The following KAT2B variants were observed in gnomAD, a reference collection of about 807,000 sequenced individuals.
KAT2B encodes the protein lysine acetyltransferase 2B.
KAT2B carries 36 observed loss-of-function variants against 105.9 expected under a neutral mutation model. The ratio of observed to expected loss-of-function variants is 0.34; its 90% CI spans 0.26 to 0.45. KAT2B has a LOEUF of 0.45. Ranked by LOEUF, KAT2B falls within the 20% of genes least tolerant of loss-of-function variation. KAT2B has a pLI of 1.00. For missense variants in KAT2B, 820 were observed against 1,021.6 expected, an observed-to-expected ratio of 0.80 and a Z score of 2.69; for synonymous variants, 397 against 377.9, an observed-to-expected ratio of 1.05 and a Z score of -0.59.
At chr3:20,105,955 A>G (rs1698994824) in intron 5 of KAT2B, among the ~76,000 whole-genome samples, 1 of 152,212 alleles carries the variant, frequency 6.6e-6, no homozygotes, top group Non-Finnish European at 1.5e-5. Flanking sequence ...TAGACATGTA[A>G]GTCTAGAACA....
At chr3:20,149,960 C>T (rs1388867798) in intron 17 of KAT2B, among the ~76,000 whole-genome samples, 10 of 152,226 alleles carry the variant, frequency 6.6e-5, no homozygotes, top group Non-Finnish European at 1.5e-4. Context: ...GCCCTTTCAG[C>T]CCCTGTGCAC....
intron 2 of KAT2B, among the ~76,000 whole-genome samples, chr3:20,090,414 G>A (rs1291102832): frequency 6.6e-6 from 1 of 152,158 alleles, no homozygotes; most frequent in South Asian, 2.1e-4. Flanking sequence ...TATCATGAAA[G>A]GATGTTGAAT....
intron 9 of KAT2B, among the ~76,000 whole-genome samples, chr3:20,123,374 C>T (rs1325104830): frequency 6.6e-6 from 1 of 152,146 alleles, no homozygotes; most frequent in Non-Finnish European, 1.5e-5. Context: ...ACAATATTTT[C>T]TAATACAGGG....
chr3:20,087,200 A>G (rs920210230), intron 2 of KAT2B, among the ~76,000 whole-genome samples: 5 of 152,252 alleles, frequency 3.3e-5, no homozygotes, highest in Non-Finnish European at 7.3e-5. Flanking sequence ...TAGATGGATG[A>G]TACCGAGTGT....
chr3:20,150,917 A>C (rs1006574413), intron 17 of KAT2B, among the ~76,000 whole-genome samples: 1 of 152,180 alleles, frequency 6.6e-6, no homozygotes, highest in African/African-American at 2.4e-5. Context: ...TTAAAACATT[A>C]TACATATTAT....
At chr3:20,104,550 A>C (rs182234714) in intron 5 of KAT2B, among the ~76,000 whole-genome samples, 1 of 152,194 alleles carries the variant, frequency 6.6e-6, no homozygotes, top group Admixed American at 6.5e-5. Flanking sequence ...AATGGGTAAT[A>C]TTACTGGCTG....
At chr3:20,143,806 T>A (rs537713460) in intron 13 of KAT2B, among the ~76,000 whole-genome samples, 1 of 152,328 alleles carries the variant, frequency 6.6e-6, no homozygotes, top group East Asian at 1.9e-4. Context: ...CTGCATGTTT[T>A]CTGTTATAAG....
Position 20,095,413 on chromosome 3 carries a change from G to A in KAT2B, c.576+5G>A. On this transcript the variant is annotated splice_donor_5th_base_variant and intron_variant, in intron 3 of 17. Transcript: ENST00000263754. ...GTTTATTTCTATCTATTTAAGGTGA[G>A]ATTTTAACATTTTAAAAACATTTTC... The A allele has an allele frequency of 6.4e-7, 1 of 1,563,384 alleles. No homozygotes were observed. Among genetic ancestry groups the A allele is most frequent in the South Asian group, 1.1e-5 (1 of 88,256 alleles).
In KAT2B at chr3:20,040,492, C is replaced by T. The variant is rs1192978849; in HGVS notation, c.15C>T (p.Gly5=). Residue 5 remains glycine, a synonymous_variant, in exon 1 of 18, where the codon GGC becomes GGT. Transcript: ENST00000263754. MSEA[G]GAGPGGCGAG... ...TCCGGGGCGGCATGTCCGAGGCTGGCGGGGCCGGGCCGGGCGGCTGCGGGG... is the reference window on the plus strand; with the variant it reads ...TCCGGGGCGGCATGTCCGAGGCTGGTGGGGCCGGGCCGGGCGGCTGCGGGG... 2 of 1,041,312 alleles carry T rather than the reference C, an allele frequency of 1.9e-6. No individual in the cohort carries two copies. The highest frequency in any genetic ancestry group is 2.3e-6 in the Non-Finnish European group (2 of 868,042). 64.5% of individuals were successfully genotyped at this position (1,041,312 alleles called of 1,614,324 possible).
chr3:20,095,244 TC>T lies in KAT2B; in HGVS notation c.431-18del. The T allele has an allele frequency of 1.9e-6, 3 of 1,603,040 alleles. No individual in the cohort carries two copies. Among genetic ancestry groups the T allele is most frequent in the Non-Finnish European group, 2.6e-6 (3 of 1,174,520 alleles). ...TTCCAATTGAGGTCTTACATATGTT[TC>T]TTTGATCTTATCATAAGCTGCTCAT... On this transcript the variant is annotated intron_variant, in intron 2 of 17. Transcript: ENST00000263754.
chr3:20,121,426 A>G (rs1699305271), intron 8 of KAT2B, among the ~76,000 whole-genome samples: 1 of 152,198 alleles, frequency 6.6e-6, no homozygotes, highest in South Asian at 2.1e-4. Flanking sequence ...AAAACCAAAC[A>G]TGAGAATAGA....
intron 1 of KAT2B, among the ~76,000 whole-genome samples, chr3:20,069,759 G>T (rs1296420296): frequency 6.6e-6 from 1 of 152,002 alleles, no homozygotes; most frequent in African/African-American, 2.4e-5. Context: ...TTGAACTCCT[G>T]ACCTCATGAT....
intron 12 of KAT2B, 97 bp from the exon 13 acceptor site, chr3:20,140,124 C>T: frequency 1.3e-6 from 1 of 786,538 alleles, no homozygotes; most frequent in Non-Finnish European, 2.1e-6. Context: ...TTCAAAGAAG[C>T]TTGTCTTGAT....
At chr3:20,127,386 G>A in intron 10 of KAT2B, 37 bp from the exon 11 acceptor site, 3 of 1,578,660 alleles carry the variant, frequency 1.9e-6, no homozygotes, top group Non-Finnish European at 2.6e-6. Flanking sequence ...TATATAACTA[G>A]GATAGGTAAA....
intron 1 of KAT2B, among the ~76,000 whole-genome samples, chr3:20,042,971 C>T (rs902220577): frequency 2.6e-5 from 4 of 151,746 alleles, no homozygotes; most frequent in African/African-American, 7.3e-5. Context: ...ATGATCGTAG[C>T]TCACTGCAGA....
chr3:20,107,004 TA>T (rs1699026756), intron 5 of KAT2B, among the ~76,000 whole-genome samples: 2 of 43,712 alleles, frequency 4.6e-5, no homozygotes, highest in East Asian at 1.9e-3. Flanking sequence ...TATATATATA[TA>T]TATATATATA....
intron 5 of KAT2B, among the ~76,000 whole-genome samples, chr3:20,101,842 T>C (rs1340020211): frequency 6.6e-6 from 1 of 152,196 alleles, no homozygotes; most frequent in Non-Finnish European, 1.5e-5. Flanking sequence ...TTAAATAAAA[T>C]ATATTGAAGT....
intron 8 of KAT2B, among the ~76,000 whole-genome samples, chr3:20,121,727 T>C (rs1699310576): frequency 8.5e-6 from 1 of 117,200 alleles, no homozygotes; most frequent in Non-Finnish European, 1.8e-5. Flanking sequence ...CATACACATA[T>C]GCATATGTGT....
intron 2 of KAT2B, among the ~76,000 whole-genome samples, chr3:20,086,098 C>T (rs892638181): frequency 6.6e-6 from 1 of 151,190 alleles, no homozygotes; most frequent in African/African-American, 2.4e-5. Flanking sequence ...TGGTGAAACC[C>T]CATCTCTACA....
Sources: gnomAD v4.1 joint callset for allele counts (sites outside exome capture counted in the v4.1 genomes callset) on GRCh38, gnomAD v4.1.1 for gene constraint, MANE v1.5 for transcripts, NCBI Gene and HGNC (gene_info 2026-07-23, HGNC 2026-07-21) for gene names.